The following SH3PXD2A variants were observed in gnomAD, a reference collection of about 807,000 sequenced individuals.
SH3PXD2A encodes SH3 and PX domains 2A.
SH3PXD2A carries 32 observed loss-of-function variants against 115.2 expected under a neutral mutation model. The ratio of observed to expected loss-of-function variants is 0.28; its 90% CI spans 0.21 to 0.37. The LOEUF (loss-of-function observed/expected upper bound fraction) is 0.37. Among genes scored for constraint, SH3PXD2A ranks in the 10% least tolerant of loss-of-function variants. The pLI, the probability that SH3PXD2A is intolerant of heterozygous loss-of-function variation, is 1.00. For missense variants in SH3PXD2A, 1,328 were observed against 1,498.7 expected, an observed-to-expected ratio of 0.89 and a Z score of 1.88; for synonymous variants, 610 against 629.1, an observed-to-expected ratio of 0.97 and a Z score of 0.45.
intron 4 of SH3PXD2A, among the ~76,000 whole-genome samples, chr10:103,730,403 C>T (rs2038303209): frequency 6.6e-6 from 1 of 151,974 alleles, no homozygotes; most frequent in Admixed American, 6.6e-5. Context: ...CTCTGGCCTC[C>T]CACCTGTGTC....
intron 3 of SH3PXD2A, among the ~76,000 whole-genome samples, chr10:103,760,622 TATACA>T (rs1391427383): frequency 1.4e-4 from 21 of 150,642 alleles, no homozygotes; most frequent in African/African-American, 5.1e-4. Context: ...AAATATAAAA[TATACA>T]ATACAATATA....
At position 103,724,251 on chromosome 10, in the gene SH3PXD2A, G is replaced by A. The variant is rs765477199; in HGVS notation, c.398+19C>T. ...CCACGCCTCCCCAGCACACAGGAGA[G>A]GCCTGAGCTATTACTTACTCTTTTG... On this transcript the variant is annotated intron_variant, in intron 5 of 14. Coordinates refer to ENST00000369774, the MANE Select transcript of SH3PXD2A (RefSeq NM_001394015.1). The A allele has an allele frequency of 5.5e-6, 8 of 1,466,766 alleles. No individual in the cohort carries two copies. In the Admixed American group the frequency reaches 1.7e-4, roughly 31 times the overall value. The allele number at this position is 1,466,766 out of a possible 1,614,324, so 90.9% of individuals were successfully genotyped here. A position where few individuals can be genotyped will look rare whatever the true frequency, so the allele number is the denominator to read the frequency against.
intron 12 of SH3PXD2A, 55 bp downstream of exon 12, chr10:103,612,798 G>T: frequency 7.6e-7 from 1 of 1,318,112 alleles, no homozygotes; most frequent in Non-Finnish European, 1.0e-6. Flanking sequence ...CGGCACCCAT[G>T]CCCATTCTCT....
At chr10:103,661,674 A>G in intron 7 of SH3PXD2A, 1 of 984,708 alleles carries the variant, frequency 1.0e-6, no homozygotes, top group Non-Finnish European at 1.2e-6. Flanking sequence ...CGGGCGGGAG[A>G]GGGAGAGGAG....
In SH3PXD2A at chr10:103,693,069, C is replaced by G. The variant is rs568731350; in HGVS notation, c.399-13G>C. The stretch of plus-strand genomic sequence containing the variant: ...ACTGCCATAGTCCCTGAAAAAGAAG[C>G]AACAACAGATAGACATGGTTAGGGC... On this transcript the variant is annotated splice_polypyrimidine_tract_variant and intron_variant, in intron 5 of 14. Transcript: ENST00000369774. 3 of 1,613,374 alleles carry G rather than the reference C, an allele frequency of 1.9e-6. No homozygotes were observed. The highest frequency in any genetic ancestry group is 2.5e-6 in the Non-Finnish European group (3 of 1,179,464).
chr10:103,651,277 C>T (rs1026931704), intron 8 of SH3PXD2A, among the ~76,000 whole-genome samples: 33 of 152,316 alleles, frequency 2.2e-4, no homozygotes, highest in African/African-American at 7.7e-4. Context: ...CACAGACCAG[C>T]CCCTCCCCAA....
chr10:103,806,961 C>T (rs2039210707), intron 1 of SH3PXD2A, among the ~76,000 whole-genome samples: 1 of 152,224 alleles, frequency 6.6e-6, no homozygotes, highest in Non-Finnish European at 1.5e-5. Flanking sequence ...CCCAACCAGT[C>T]CCACCCATCC....
chr10:103,769,319 C>T (rs1452176436), intron 2 of SH3PXD2A, among the ~76,000 whole-genome samples: 1 of 152,144 alleles, frequency 6.6e-6, no homozygotes, highest in Non-Finnish European at 1.5e-5. Context: ...TAATGAAGGG[C>T]AGGTCACCGG....
intron 2 of SH3PXD2A, among the ~76,000 whole-genome samples, chr10:103,779,878 T>G (rs559003690): frequency 6.6e-6 from 1 of 152,190 alleles, no homozygotes. Context: ...TCCCCAAAGC[T>G]GCCTGACACT....
At position 103,701,260 on chromosome 10, in the gene SH3PXD2A, ACCAT is replaced by A. The variant is rs549161476; in HGVS notation, c.399-8208_399-8205del. The stretch of plus-strand genomic sequence containing the variant: ...TCCATCATCCATCCATCATCCATCC[ACCAT>A]CCATCCATCATCTATCCATTCATCC... On this transcript the variant is annotated intron_variant, in intron 5 of 14. Coordinates refer to ENST00000369774, the MANE Select transcript of SH3PXD2A (RefSeq NM_001394015.1). Among the ~76,000 whole-genome samples the A allele has an allele frequency of 7.0e-5, 10 of 143,844 alleles. No individual in the cohort carries two copies. The East Asian group carries it at 1.7e-3, about 25-fold the overall frequency. The allele number at this position is 143,844 out of a possible 152,430, so 94.4% of individuals were successfully genotyped here. A position where few individuals can be genotyped will look rare whatever the true frequency, so the allele number is the denominator to read the frequency against.
intron 7 of SH3PXD2A, among the ~76,000 whole-genome samples, chr10:103,662,341 C>CGGGGGGGGGGGGG (rs1196791691): frequency 9.4e-5 from 1 of 10,636 alleles, no homozygotes; most frequent in Non-Finnish European, 1.9e-4. Flanking sequence ...CCATTATTGG[C>CGGGGGGGGGGGGG]GGGGGGGGGG....
intron 8 of SH3PXD2A, among the ~76,000 whole-genome samples, chr10:103,632,962 G>C (rs1313199245): frequency 6.6e-6 from 1 of 151,600 alleles, no homozygotes; most frequent in Non-Finnish European, 1.5e-5. Flanking sequence ...GACAGAGCGA[G>C]ACTCTGTCTC....
intron 1 of SH3PXD2A, among the ~76,000 whole-genome samples, chr10:103,834,836 A>G (rs1340124518): frequency 6.6e-6 from 1 of 152,220 alleles, no homozygotes; most frequent in Non-Finnish European, 1.5e-5. Flanking sequence ...AACTCTCTCA[A>G]GCAGCCCTGC....
intron 3 of SH3PXD2A, among the ~76,000 whole-genome samples, chr10:103,747,319 C>A (rs564129040): frequency 6.6e-6 from 1 of 152,256 alleles, no homozygotes; most frequent in South Asian, 2.1e-4. Flanking sequence ...CCAAGCTGTA[C>A]CCCCTCCATG....
At chr10:103,810,747 C>T (rs570019004) in intron 1 of SH3PXD2A, among the ~76,000 whole-genome samples, 4 of 152,052 alleles carry the variant, frequency 2.6e-5, no homozygotes, top group Non-Finnish European at 5.9e-5. Flanking sequence ...TTCCCATTTG[C>T]CGTGAGACTT....
chr10:103,661,226 C>G (rs2037295767), intron 7 of SH3PXD2A, 112 bp from the exon 8 acceptor site: 1 of 1,286,256 alleles, frequency 7.8e-7, no homozygotes, highest in Admixed American at 2.6e-5. Context: ...GCCAGCGCCG[C>G]TCCCAGGGGC....
intron 11 of SH3PXD2A, among the ~76,000 whole-genome samples, chr10:103,616,670 G>A (rs138819108): frequency 0.011 from 1,741 of 152,352 alleles, 32 homozygotes; most frequent in African/African-American, 0.04. Flanking sequence ...AGCCAGCCCT[G>A]CAGATTGGAC....
At chr10:103,828,591 T>C (rs1340759019) in intron 1 of SH3PXD2A, among the ~76,000 whole-genome samples, 2 of 152,158 alleles carry the variant, frequency 1.3e-5, no homozygotes, top group Non-Finnish European at 2.9e-5. Context: ...CCAAACTTCT[T>C]ATCACTCAAT....
intron 8 of SH3PXD2A, among the ~76,000 whole-genome samples, chr10:103,638,184 C>T (rs1287288301): frequency 1.3e-5 from 2 of 152,202 alleles, no homozygotes; most frequent in Non-Finnish European, 2.9e-5. Context: ...TTGCCCAGGG[C>T]CTTCCCTCCC....
Sources: allele counts gnomAD v4.1 joint callset (sites outside exome capture counted in the v4.1 genomes callset), GRCh38; gene constraint gnomAD v4.1.1; transcripts MANE v1.5; gene names NCBI Gene and HGNC (gene_info 2026-07-23, HGNC 2026-07-21).